Variants in PDCD11 observed in about 807,000 individuals in gnomAD.
PDCD11 encodes the protein protein RRP5 homolog.
A neutral mutation model predicts 198.9 loss-of-function variants in PDCD11; 97 were observed. The observed-to-expected ratio is 0.49, with a 90% CI of 0.41 to 0.58. The LOEUF is 0.58. PDCD11 is among the 20% of genes least tolerant of loss of function. The pLI is 0.00. For missense variants in PDCD11, 2,102 were observed against 2,312.7 expected (o/e 0.91, Z 1.87); for synonymous variants, 893 against 918.0 (o/e 0.97, Z 0.49).
At chr10:103,437,430 CACT>C (rs1225920211) in intron 25 of PDCD11, among the ~76,000 whole-genome samples, 2 of 152,152 alleles carry the variant, frequency 1.3e-5, no homozygotes, top group Non-Finnish European at 2.9e-5. Flanking sequence ...AGATGTGAGC[CACT>C]ACACCTGGCC....
In PDCD11 at chr10:103,425,327, G is replaced by A. The variant is rs771898776; in HGVS notation, c.3107G>A (p.Gly1036Glu). 6.2e-7 allele frequency: 1 copy of A among 1,614,090 alleles called. No individual in the cohort carries two copies. The highest frequency in any genetic ancestry group is 8.5e-7 in the Non-Finnish European group (1 of 1,180,016). The stretch of plus-strand genomic sequence containing the variant: ...ATAAAGAAGCACACCCTCTCCATCG[G>A]GGACATGGTCACAGGGACTGTCAAG... ...GTIKKHTLSIGDMVTGTVKSI... is the reference protein window; with the variant it reads ...GTIKKHTLSIEDMVTGTVKSI... The change falls in exon 20 of 36, where the codon GGG (glycine) becomes GAG (glutamate). Residue 1036 changes from glycine (G) to glutamate (E), a missense_variant. Physicochemically the swap from Gly to Glu is moderately conservative, Grantham distance 98. Transcript: ENST00000369797.
chr10:103,403,064 T>G (rs2030211262), intron 3 of PDCD11, 54 bp from the exon 4 acceptor site: 1 of 1,529,304 alleles, frequency 6.5e-7, no homozygotes. Context: ...CCTTCCAACC[T>G]TCCCTATTGT....
At chr10:103,414,137 C>T (rs376194796) in intron 10 of PDCD11, 47 bp downstream of exon 10, 1 of 1,590,760 alleles carries the variant, frequency 6.3e-7, no homozygotes, top group South Asian at 1.1e-5. Context: ...TGCACCTGTA[C>T]ATGTTCATAT....
chr10:103,430,635 C>CTTTT (rs945485194), intron 21 of PDCD11, among the ~76,000 whole-genome samples: 1 of 130,836 alleles, frequency 7.6e-6, no homozygotes, highest in Non-Finnish European at 1.7e-5. Flanking sequence ...TCGTTATTTT[C>CTTTT]TTTTTTTTTT....
chr10:103,404,913 T>G (rs2030354377), intron 4 of PDCD11, 109 bp from the exon 5 acceptor site: 2 of 961,508 alleles, frequency 2.1e-6, no homozygotes, highest in Non-Finnish European at 3.1e-6. Flanking sequence ...ACCCACCTTT[T>G]GGGTTCTCTG....
Position 103,414,990 on chromosome 10 carries a change from C to T in PDCD11, c.1372-15C>T. On this transcript the variant is annotated splice_polypyrimidine_tract_variant and intron_variant, in intron 11 of 35. Transcript: ENST00000369797. ...TTCTTGAGACATTGTGGCAGCTTATCTTTGGATTCTCTAGGGCACAGTGCT... is the reference window on the plus strand; with the variant it reads ...TTCTTGAGACATTGTGGCAGCTTATTTTTGGATTCTCTAGGGCACAGTGCT... The T allele has an allele frequency of 6.2e-7, 1 of 1,613,540 alleles. No individual in the cohort carries two copies.
intron 6 of PDCD11, among the ~76,000 whole-genome samples, 178 bp from the exon 7 acceptor site, chr10:103,406,431 A>G (rs1378385050): frequency 6.6e-6 from 1 of 152,204 alleles, no homozygotes; most frequent in Non-Finnish European, 1.5e-5. Flanking sequence ...TTCCAGATCA[A>G]TTAGGATAAC....
Position 103,403,963 on chromosome 10 carries a change from AG to A in PDCD11, c.402+682del, listed in dbSNP as rs2030281182. On this transcript the variant is annotated intron_variant, in intron 4 of 35. Coordinates refer to ENST00000369797, the MANE Select transcript of PDCD11 (RefSeq NM_014976.2). ...GACATCCTGAGATAGGAAACCCTGA[AG>A]GGGACCTGGATTGGGAGAGATGATC... 2.6e-5 allele frequency among the ~76,000 whole-genome samples: 4 copies of A among 152,292 alleles called. No homozygotes were observed. The South Asian group carries it at 8.3e-4, about 32-fold the overall frequency.
At chr10:103,435,997 T>C (rs1455727643) in intron 25 of PDCD11, among the ~76,000 whole-genome samples, 1 of 151,936 alleles carries the variant, frequency 6.6e-6, no homozygotes, top group Non-Finnish European at 1.5e-5. Context: ...GTCTTAGCCA[T>C]TGGTTCAGCA....
At chr10:103,400,225 C>A (rs534204652) in intron 2 of PDCD11, among the ~76,000 whole-genome samples, 172 bp from the exon 3 acceptor site, 46 of 142,080 alleles carry the variant, frequency 3.2e-4, no homozygotes, top group African/African-American at 8.7e-4. Flanking sequence ...CGGCCCCCCC[C>A]CTTTTTTTTT....
rs762224858 is a variant in PDCD11 at position 103,421,445 on chromosome 10, G to A, written c.2375G>A (p.Arg792Gln). 16 of 1,605,012 alleles carry A rather than the reference G, an allele frequency of 1.0e-5. No individual in the cohort carries two copies. The highest frequency in any genetic ancestry group is 2.2e-5 in the South Asian group (2 of 89,310). ...KVTNVDEEKQ[R>Q]MLLSLRLSDC... ...ACCAATGTGGATGAGGAGAAGCAGCGGATGCTGCTGTCACTGCGGCTGTCG... is the reference window on the plus strand; with the variant it reads ...ACCAATGTGGATGAGGAGAAGCAGCAGATGCTGCTGTCACTGCGGCTGTCG... The change falls in exon 17 of 36, where the codon CGG becomes CAG. Residue 792 changes from arginine to glutamine, a missense_variant. By Grantham distance (43) the Arg-to-Gln change is conservative. Transcript: ENST00000369797.
intron 2 of PDCD11, 37 bp downstream of exon 2, chr10:103,398,565 AC>A: frequency 7.6e-7 from 1 of 1,312,980 alleles, no homozygotes; most frequent in Non-Finnish European, 1.1e-6. Context: ...CTCACTGGAA[AC>A]TTTTACTGTA....
intron 35 of PDCD11, among the ~76,000 whole-genome samples, 160 bp downstream of exon 35, chr10:103,444,842 T>C (rs1048670355): frequency 1.3e-5 from 2 of 152,238 alleles, no homozygotes; most frequent in Non-Finnish European, 2.9e-5. Flanking sequence ...CTCCTCTTTC[T>C]GCCTCAAAGG....
intron 17 of PDCD11, among the ~76,000 whole-genome samples, chr10:103,422,650 C>A (rs1316065270): frequency 6.6e-6 from 1 of 152,000 alleles, no homozygotes. Flanking sequence ...GACTTTGAAC[C>A]ATTGTGTGGG....
In PDCD11 at chr10:103,403,098, T is replaced by C; in HGVS notation, c.235-20T>C. The C allele has an allele frequency of 6.2e-7, 1 of 1,611,948 alleles. No homozygotes were observed. The highest frequency in any genetic ancestry group is 8.5e-7 in the Non-Finnish European group (1 of 1,178,230). On this transcript the variant is annotated intron_variant, in intron 3 of 35. Transcript: ENST00000369797. ...GTTGTTCCCATCCTTATTGTACACA[T>C]TTCACTTTTTCTCTTCTAGTCCCTG... is the stretch of plus-strand genomic sequence containing the variant.
intron 4 of PDCD11, among the ~76,000 whole-genome samples, chr10:103,404,178 A>G (rs975099880): frequency 6.6e-6 from 1 of 151,824 alleles, no homozygotes; most frequent in Non-Finnish European, 1.5e-5. Flanking sequence ...CGGTAGAGAC[A>G]GGGCTTCACC....
Position 103,415,104 on chromosome 10 carries a change from A to G in PDCD11, c.1471A>G (p.Lys491Glu). 1 of 1,614,108 alleles carries G rather than the reference A, an allele frequency of 6.2e-7. No individual in the cohort carries two copies. Among genetic ancestry groups the G allele is most frequent in the South Asian group, 1.1e-5 (1 of 91,038 alleles). ...CATGCACCTGGCTGACATCCTGATG[A>G]AGAATCCGGAGAAGAAGTACCACAT... ...PPMHLADILM[K>E]NPEKKYHIGD... The change falls in exon 12 of 36, where the codon AAG becomes GAG. Residue 491 changes from lysine (K) to glutamate (E), a missense_variant. Physicochemically the swap from Lys to Glu is moderately conservative, Grantham distance 56. Transcript: ENST00000369797.
chr10:103,444,114 C>A (rs775333899), intron 34 of PDCD11, 46 bp downstream of exon 34: 2 of 1,551,364 alleles, frequency 1.3e-6, no homozygotes, highest in East Asian at 2.3e-5. Context: ...ACTCCAGGAT[C>A]GGGGAGTAGG....
intron 15 of PDCD11, 61 bp from the exon 16 acceptor site, chr10:103,419,477 A>C: frequency 6.5e-7 from 1 of 1,543,418 alleles, no homozygotes; most frequent in Admixed American, 1.8e-5. Context: ...GAGAAAGGAG[A>C]TGGGAGAGAT....
Sources: allele counts gnomAD v4.1 joint callset (sites outside exome capture counted in the v4.1 genomes callset), GRCh38; gene constraint gnomAD v4.1.1; transcripts MANE v1.5; gene names NCBI Gene and HGNC (gene_info 2026-07-23, HGNC 2026-07-21).